AGPS: variants seen among roughly 807,000 people sequenced by gnomAD.
AGPS encodes the protein alkyldihydroxyacetonephosphate synthase, peroxisomal.
AGPS carries 26 observed loss-of-function variants against 90.7 expected under a neutral mutation model. That is an observed-to-expected ratio of 0.29 (90% CI 0.21 to 0.40). The LOEUF (loss-of-function observed/expected upper bound fraction) is 0.40. AGPS is among the 10% of genes least tolerant of loss of function. AGPS has a pLI of 1.00. For missense variants in AGPS, 540 were observed against 816.1 expected (o/e 0.66, Z 4.12); for synonymous variants, 294 against 285.3 (o/e 1.03, Z -0.31).
At chr2:177,470,504 G>A (rs1179239641) in intron 10 of AGPS, among the ~76,000 whole-genome samples, 1 of 151,946 alleles carries the variant, frequency 6.6e-6, no homozygotes, top group East Asian at 1.9e-4. Flanking sequence ...AGGCATTCAA[G>A]ACCAGCCTGA....
chr2:177,436,300 C>T (rs376815424), intron 3 of AGPS, among the ~76,000 whole-genome samples: 2 of 151,508 alleles, frequency 1.3e-5, no homozygotes, highest in Non-Finnish European at 2.9e-5. Context: ...TACAGGCGCC[C>T]GCCACCACGC....
At chr2:177,490,846 C>CT (rs61555724) in intron 11 of AGPS, among the ~76,000 whole-genome samples, 1,886 of 58,140 alleles carry the variant, frequency 0.032, 119 homozygotes, top group African/African-American at 0.093. Flanking sequence ...AAGTTGCAGA[C>CT]TTTTTTTTTT....
Position 177,431,448 on chromosome 2 carries a change from C to T in AGPS, c.351-2879C>T, listed in dbSNP as rs561420679. 5.9e-5 allele frequency among the ~76,000 whole-genome samples: 9 copies of T among 152,208 alleles called. No homozygotes were observed. In the East Asian group the frequency reaches 9.6e-4, roughly 16 times the overall value. ...AAAACAGGGTTCGAGAGCAGAGAAC[C>T]GGTCTGACCTCAAATTTACCAGAGC... On this transcript the variant is annotated intron_variant, in intron 2 of 19. Transcript: ENST00000264167.
rs914492922 is a variant in AGPS, at chr2:177,432,043, C to T, written c.351-2284C>T. 3.3e-5 allele frequency among the ~76,000 whole-genome samples: 5 copies of T among 152,198 alleles called. No individual in the cohort carries two copies. In the South Asian group the frequency reaches 6.2e-4, roughly 19 times the overall value. On this transcript the variant is annotated intron_variant, in intron 2 of 19. Transcript: ENST00000264167. Reference sequence around the variant, plus strand: ...CCTCTGTTCGGGGTCCCTGACTTCCCACAACATATACTAATATTTTTGCTG... The same window carrying T: ...CCTCTGTTCGGGGTCCCTGACTTCCTACAACATATACTAATATTTTTGCTG...
intron 1 of AGPS, among the ~76,000 whole-genome samples, chr2:177,410,845 G>A (rs1241328591): frequency 2.0e-5 from 3 of 152,184 alleles, no homozygotes; most frequent in Non-Finnish European, 2.9e-5. Flanking sequence ...CTGGTTAGTG[G>A]CTTCTGACTC....
At chr2:177,529,849 C>A (rs898895592) in intron 19 of AGPS, among the ~76,000 whole-genome samples, 1 of 152,194 alleles carries the variant, frequency 6.6e-6, no homozygotes, top group Non-Finnish European at 1.5e-5. Context: ...TTGCATTTAA[C>A]TGTGTGACCT....
At chr2:177,434,551 A>C (rs143834538) in intron 3 of AGPS, 134 bp downstream of exon 3, 1 of 700,622 alleles carries the variant, frequency 1.4e-6, no homozygotes, top group Non-Finnish European at 2.5e-6. Flanking sequence ...CCTATTAATT[A>C]TATTGGCCTT....
chr2:177,414,266 T>C (rs1434331288), intron 1 of AGPS, among the ~76,000 whole-genome samples: 1 of 152,152 alleles, frequency 6.6e-6, no homozygotes, highest in Non-Finnish European at 1.5e-5. Flanking sequence ...TGGAGTGCAG[T>C]GGCAATCATG....
intron 2 of AGPS, among the ~76,000 whole-genome samples, chr2:177,430,226 T>C (rs888372830): frequency 6.6e-6 from 1 of 152,144 alleles, no homozygotes; most frequent in Non-Finnish European, 1.5e-5. Context: ...TCTCAGGCAG[T>C]CTCCAGATTG....
chr2:177,460,158 C>A (rs980278257), intron 8 of AGPS, among the ~76,000 whole-genome samples: 2 of 152,058 alleles, frequency 1.3e-5, no homozygotes, highest in Non-Finnish European at 2.9e-5. Flanking sequence ...CACAGTGGGG[C>A]CTGGGGCGCG....
intron 1 of AGPS, among the ~76,000 whole-genome samples, chr2:177,396,764 C>A (rs1685188155): frequency 6.6e-6 from 1 of 152,152 alleles, no homozygotes; most frequent in Non-Finnish European, 1.5e-5. Flanking sequence ...TTTAATCACA[C>A]TTTAAAACTA....
At chr2:177,408,271 C>T (rs1685518485) in intron 1 of AGPS, among the ~76,000 whole-genome samples, 2 of 152,184 alleles carry the variant, frequency 1.3e-5, no homozygotes, top group Non-Finnish European at 2.9e-5. Context: ...GTAGTCATGG[C>T]TCACCATTGC....
intron 14 of AGPS, among the ~76,000 whole-genome samples, chr2:177,500,906 T>A (rs1256439840): frequency 1.3e-5 from 2 of 152,176 alleles, no homozygotes; most frequent in Non-Finnish European, 2.9e-5. Flanking sequence ...TTGTTTGAAT[T>A]TTTGAAATGT....
At chr2:177,509,226 C>G (rs928071884) in intron 16 of AGPS, among the ~76,000 whole-genome samples, 1 of 152,180 alleles carries the variant, frequency 6.6e-6, no homozygotes, top group African/African-American at 2.4e-5. Context: ...TATACTATCA[C>G]TCAGTCATTC....
intron 2 of AGPS, among the ~76,000 whole-genome samples, chr2:177,428,314 C>T (rs1257206896): frequency 6.6e-6 from 1 of 152,158 alleles, no homozygotes; most frequent in African/African-American, 2.4e-5. Context: ...GGGCATTTAG[C>T]CCATTTACAT....
intron 2 of AGPS, among the ~76,000 whole-genome samples, chr2:177,427,742 A>C (rs1197171430): frequency 1.3e-5 from 2 of 152,118 alleles, no homozygotes; most frequent in Non-Finnish European, 2.9e-5. Context: ...GGGGTGTTTT[A>C]ATTCCGATTA....
At chr2:177,509,765 A>G (rs1688818332) in intron 16 of AGPS, among the ~76,000 whole-genome samples, 1 of 152,178 alleles carries the variant, frequency 6.6e-6, no homozygotes, top group Admixed American at 6.5e-5. Flanking sequence ...CTAAAAATAA[A>G]TGCTTAACAT....
At chr2:177,443,990 G>T (rs528288169) in intron 7 of AGPS, among the ~76,000 whole-genome samples, 1 of 151,692 alleles carries the variant, frequency 6.6e-6, no homozygotes, top group Non-Finnish European at 1.5e-5. Context: ...GGGCCAGTCT[G>T]TTGGGGGAGA....
intron 2 of AGPS, 149 bp from the exon 3 acceptor site, chr2:177,434,178 G>A: frequency 1.6e-6 from 1 of 636,758 alleles, no homozygotes; most frequent in South Asian, 2.0e-5. Flanking sequence ...GCTGGGTTTT[G>A]TTTGTTTTGT....
Sources: allele counts gnomAD v4.1 joint callset (sites outside exome capture counted in the v4.1 genomes callset), GRCh38; gene constraint gnomAD v4.1.1; transcripts MANE v1.5; gene names NCBI Gene and HGNC (gene_info 2026-07-23, HGNC 2026-07-21).